ITPRID1: variants seen among roughly 807,000 people sequenced by gnomAD.
ITPRID1 encodes ITPR interacting domain containing 1, also known as protein ITPRID1.
ITPRID1 carries 96 observed loss-of-function variants against 95.4 expected under a neutral mutation model. The observed-to-expected ratio is 1.01, with a 90% CI of 0.85 to 1.19. The LOEUF (loss-of-function observed/expected upper bound fraction) is 1.19. Among genes scored for constraint, ITPRID1 ranks in the 50% most tolerant of loss-of-function variants. The pLI, the probability that ITPRID1 is intolerant of heterozygous loss-of-function variation, is 0.00. For missense variants in ITPRID1, 1,339 were observed against 1,252.9 expected, an observed-to-expected ratio of 1.07 and a Z score of -1.04; for synonymous variants, 510 against 453.6, an observed-to-expected ratio of 1.12 and a Z score of -1.58.
intron 5 of ITPRID1, among the ~76,000 whole-genome samples, chr7:31,567,294 T>G (rs1157130179): frequency 6.6e-6 from 1 of 152,220 alleles, no homozygotes; most frequent in East Asian, 1.9e-4. Flanking sequence ...ATATATTCTC[T>G]TTATGTTTTC....
At chr7:31,522,461 CT>C (rs1468674432) in intron 1 of ITPRID1, among the ~76,000 whole-genome samples, 2 of 152,220 alleles carry the variant, frequency 1.3e-5, no homozygotes, top group African/African-American at 4.8e-5. Flanking sequence ...TCTCATGGAA[CT>C]TATGAGGAAA....
intron 12 of ITPRID1, among the ~76,000 whole-genome samples, chr7:31,644,378 G>C (rs1790288565): frequency 6.6e-6 from 1 of 152,196 alleles, no homozygotes; most frequent in African/African-American, 2.4e-5. Context: ...TTCATGCACT[G>C]ACACAGGATT....
At chr7:31,639,625 C>T (rs935270825) in intron 10 of ITPRID1, among the ~76,000 whole-genome samples, 2 of 151,298 alleles carry the variant, frequency 1.3e-5, no homozygotes, top group East Asian at 3.9e-4. Context: ...AAAGCTCTGC[C>T]TCCCGGGTTC....
intron 10 of ITPRID1, among the ~76,000 whole-genome samples, chr7:31,640,447 A>T (rs1022106783): frequency 6.6e-6 from 1 of 152,178 alleles, no homozygotes; most frequent in Non-Finnish European, 1.5e-5. Flanking sequence ...TAGCTGGCTC[A>T]GTCTTTTTGG....
At chr7:31,585,932 G>A (rs1002558186) in intron 10 of ITPRID1, among the ~76,000 whole-genome samples, 1 of 149,008 alleles carries the variant, frequency 6.7e-6, no homozygotes, top group Non-Finnish European at 1.5e-5. Context: ...CTGGTGCGCT[G>A]CACCCACTAA....
chr7:31,531,924 G>A (rs1355153354), intron 1 of ITPRID1, among the ~76,000 whole-genome samples: 1 of 152,102 alleles, frequency 6.6e-6, no homozygotes, highest in African/African-American at 2.4e-5. Context: ...AATCACATAA[G>A]GAGGAGAAGT....
At chr7:31,642,060 C>G (rs963225663) in intron 10 of ITPRID1, 116 bp from the exon 11 acceptor site, 2 of 561,478 alleles carry the variant, frequency 3.6e-6, no homozygotes, top group African/African-American at 3.8e-5. Flanking sequence ...TTTTCTTCCA[C>G]ACAGTGGGCA....
chr7:31,634,215 T>C (rs992012078), intron 10 of ITPRID1, among the ~76,000 whole-genome samples: 3 of 152,148 alleles, frequency 2.0e-5, no homozygotes, highest in African/African-American at 4.8e-5. Flanking sequence ...GTCCCCCTAA[T>C]TGGGAGGGTA....
chr7:31,605,484 T>A (rs1182418428), intron 10 of ITPRID1, among the ~76,000 whole-genome samples: 1 of 152,200 alleles, frequency 6.6e-6, no homozygotes, highest in Non-Finnish European at 1.5e-5. Flanking sequence ...TAAAGATCAA[T>A]GGTTTGGGAG....
intron 10 of ITPRID1, among the ~76,000 whole-genome samples, chr7:31,628,747 C>T (rs1257331357): frequency 1.3e-5 from 2 of 152,110 alleles, no homozygotes; most frequent in Non-Finnish European, 2.9e-5. Context: ...TGAGCCACCG[C>T]GCCCGGCCTG....
At chr7:31,596,326 C>T (rs1786087478) in intron 10 of ITPRID1, among the ~76,000 whole-genome samples, 2 of 151,276 alleles carry the variant, frequency 1.3e-5, no homozygotes, top group Non-Finnish European at 3.0e-5. Flanking sequence ...GTAAGTATTT[C>T]AGATAATGCA....
In ITPRID1 at chr7:31,656,105, A is replaced by G. The variant is rs921464161; in HGVS notation, c.*3276A>G. ...ATGATCTGTGGCAGAAGTGATCCTT[A>G]TTTTTTGAAACTCCTATATCACTTT... On this transcript the variant is annotated 3_prime_UTR_variant, in exon 15 of 15. Transcript: ENST00000615280. The G allele has an allele frequency of 1.2e-6, 1 of 842,886 alleles. No homozygotes were observed. The allele number at this position is 842,886 out of a possible 1,614,324, so 52.2% of individuals were successfully genotyped here. A position where few individuals can be genotyped will look rare whatever the true frequency, so the allele number is the denominator to read the frequency against.
At position 31,652,856 on chromosome 7, in the gene ITPRID1, A is replaced by G. The variant is rs543922519; in HGVS notation, c.*27A>G. On this transcript the variant is annotated 3_prime_UTR_variant, in exon 15 of 15. Transcript: ENST00000615280. ...TCAGAGCAGGTTTGTTAACCTTCAT[A>G]CAAAATATAAAGGCCCAGAACAGAT... The G allele has an allele frequency of 2.7e-4, 429 of 1,597,996 alleles. 4 individuals carry two copies. The South Asian group carries it at 4.5e-3, about 17-fold the overall frequency.
At chr7:31,521,831 C>T (rs1783270982) in intron 1 of ITPRID1, among the ~76,000 whole-genome samples, 1 of 151,678 alleles carries the variant, frequency 6.6e-6, no homozygotes. Flanking sequence ...TCAAGTGATC[C>T]TCCCATCTCA....
chr7:31,623,158 C>T (rs1052464818), intron 10 of ITPRID1, among the ~76,000 whole-genome samples: 52 of 152,030 alleles, frequency 3.4e-4, no homozygotes, highest in Admixed American at 2.1e-3. Flanking sequence ...GATTCACAGC[C>T]GAATTCTACC....
chr7:31,592,212 G>A (rs2128154993), intron 10 of ITPRID1, among the ~76,000 whole-genome samples: 2 of 152,284 alleles, frequency 1.3e-5, no homozygotes, highest in South Asian at 4.1e-4. Flanking sequence ...TCAAGTAAGT[G>A]AGACCATGGA....
chr7:31,602,310 C>T (rs1440756581), intron 10 of ITPRID1, among the ~76,000 whole-genome samples: 1 of 152,190 alleles, frequency 6.6e-6, no homozygotes, highest in Non-Finnish European at 1.5e-5. Flanking sequence ...CAGCCTGCCT[C>T]TTTGCATGTG....
intron 10 of ITPRID1, among the ~76,000 whole-genome samples, chr7:31,618,821 C>G (rs1025320338): frequency 1.3e-5 from 2 of 152,186 alleles, no homozygotes; most frequent in African/African-American, 4.8e-5. Flanking sequence ...ATGCCATGCC[C>G]AAATTATATG....
chr7:31,626,731 T>C (rs1225822412), intron 10 of ITPRID1, among the ~76,000 whole-genome samples: 1 of 152,220 alleles, frequency 6.6e-6, no homozygotes, highest in East Asian at 1.9e-4. Context: ...GTGGCAGTTT[T>C]CATCTTTATA....
Sources: allele counts gnomAD v4.1 joint callset (sites outside exome capture counted in the v4.1 genomes callset), GRCh38; gene constraint gnomAD v4.1.1; transcripts MANE v1.5; gene names NCBI Gene and HGNC (gene_info 2026-07-23, HGNC 2026-07-21).